ENPEP: variants seen among roughly 807,000 people sequenced by gnomAD.
ENPEP encodes AP-A.
Under a neutral mutation model 114.5 loss-of-function variants are expected in ENPEP, and 103 were observed. The ratio of observed to expected loss-of-function variants is 0.90; its 90% CI spans 0.77 to 1.06. The LOEUF (loss-of-function observed/expected upper bound fraction) is 1.06, where lower values mean the gene tolerates loss of function less well. Ranked by LOEUF, ENPEP falls within the 50% of genes least tolerant of loss-of-function variation. The probability of loss-of-function intolerance (pLI) is 0.00; values close to 1 mark genes in which losing one functional copy is unlikely to be tolerated. For missense variants in ENPEP, 1,196 were observed against 1,161.3 expected, an observed-to-expected ratio of 1.03 and a Z score of -0.43; for synonymous variants, 420 against 422.0, an observed-to-expected ratio of 1.00 and a Z score of 0.06.
chr4:110,476,919 G>T lies in ENPEP; in HGVS notation c.505G>T (p.Val169Leu), dbSNP rs201187378. The T allele has an allele frequency of 5.0e-5, 80 of 1,614,190 alleles. No individual in the cohort carries two copies. In the South Asian group the frequency reaches 6.4e-4, roughly 13 times the overall value. Residue 169 changes from valine to leucine, a missense_variant, in exon 1 of 20, where the codon GTG becomes TTG. Physicochemically the swap from Val to Leu is conservative, Grantham distance 32. Coordinates refer to ENST00000265162, the MANE Select transcript of ENPEP (RefSeq NM_001977.4). Reference protein sequence around the residue: ...RCFEYKKQEYVVVEAEEELTP... With the variant: ...RCFEYKKQEYLVVEAEEELTP... ...TTTCGAGTACAAAAAGCAGGAGTAC[G>T]TGGTGGTCGAGGCGGAGGAAGAGCT...
At position 110,564,368 on chromosome 4, in the gene ENPEP, C is replaced by A. The variant is rs1479977401; in HGVS notation, c.*2810C>A. Reference sequence around the variant, plus strand: ...ATCAGAGTGACCTGGGTTGGAATATCAACTACTTGGTAGTTGAGTGCTTTT... The same window carrying A: ...ATCAGAGTGACCTGGGTTGGAATATAAACTACTTGGTAGTTGAGTGCTTTT... On this transcript the variant is annotated 3_prime_UTR_variant, in exon 20 of 20. Coordinates refer to ENST00000265162, the MANE Select transcript of ENPEP (RefSeq NM_001977.4). 6.6e-6 allele frequency: 1 copy of A among 152,108 alleles called. No individual in the cohort carries two copies. Among genetic ancestry groups the A allele is most frequent in the Non-Finnish European group, 1.5e-5 (1 of 68,020 alleles). The allele number at this position is 152,108 out of a possible 1,614,324, so 9.4% of individuals were successfully genotyped here.
chr4:110,549,548 T>A lies in ENPEP; in HGVS notation c.2246T>A (p.Leu749Ter), dbSNP rs770608736. The stretch of plus-strand genomic sequence containing the variant: ...TTAAGGTTACTCCGTTCCTCCGTGT[T>A]AGGGTTTGCGTGCAAGATGGGAGAC... Reference protein sequence around the residue: ...HVTKLLRSSVLGFACKMGDRE... With the variant: ...HVTKLLRSSV Residue 749 changes from leucine to a stop codon, truncating the protein, a stop_gained, in exon 16 of 20, where the codon TTA becomes TAA. Transcript: ENST00000265162. LOFTEE classifies it high-confidence loss of function. 4 of 1,613,460 alleles carry A rather than the reference T, an allele frequency of 2.5e-6. No homozygotes were observed. The highest frequency in any genetic ancestry group is 3.4e-6 in the Non-Finnish European group (4 of 1,179,656).
At chr4:110,486,720 C>G (rs6818509) in intron 1 of ENPEP, among the ~76,000 whole-genome samples, 62 of 152,262 alleles carry the variant, frequency 4.1e-4, no homozygotes, top group Middle Eastern at 6.8e-3. Context: ...TGTAAGCAGT[C>G]TGGAATCTTA....
chr4:110,497,717 G>A (rs1471646894), intron 3 of ENPEP, among the ~76,000 whole-genome samples: 1 of 152,084 alleles, frequency 6.6e-6, no homozygotes, highest in African/African-American at 2.4e-5. Flanking sequence ...AAAAAAAGGT[G>A]TTTTTTCACC....
chr4:110,531,084 A>T, intron 10 of ENPEP, 114 bp from the exon 11 acceptor site: 1 of 571,654 alleles, frequency 1.7e-6, no homozygotes, highest in Non-Finnish European at 2.7e-6. Flanking sequence ...AGTATGGACT[A>T]GATAATCATT....
intron 18 of ENPEP, among the ~76,000 whole-genome samples, chr4:110,558,296 A>AT (rs1243439457): frequency 7.9e-5 from 11 of 139,586 alleles, no homozygotes; most frequent in Non-Finnish European, 1.7e-4. Flanking sequence ...ATATATATAA[A>AT]TTTTTTTTTG....
At chr4:110,551,313 C>T (rs916782028) in intron 17 of ENPEP, among the ~76,000 whole-genome samples, 2 of 152,104 alleles carry the variant, frequency 1.3e-5, no homozygotes, top group African/African-American at 2.4e-5. Context: ...CATATCACAA[C>T]ATTCCCTCCA....
chr4:110,549,099 G>T (rs1470848384), intron 14 of ENPEP, among the ~76,000 whole-genome samples: 1 of 151,952 alleles, frequency 6.6e-6, no homozygotes, highest in Non-Finnish European at 1.5e-5. Flanking sequence ...TAAGAAATAG[G>T]GGTTAAAAGG....
Position 110,549,410 on chromosome 4 carries a change from A to C in ENPEP, c.2216A>C (p.His739Pro). The C allele has an allele frequency of 1.9e-6, 3 of 1,613,264 alleles. No homozygotes were observed. The highest frequency in any genetic ancestry group is 2.5e-6 in the Non-Finnish European group (3 of 1,179,450). Reference protein sequence around the residue: ...DSLGWNDAGDHVTKLLRSSVL... With the variant: ...DSLGWNDAGDPVTKLLRSSVL... Reference sequence around the variant, plus strand: ...CTGGGATGGAATGATGCTGGAGACCATGTCACAAAGTTATTCTCACTTTTT... The same window carrying C: ...CTGGGATGGAATGATGCTGGAGACCCTGTCACAAAGTTATTCTCACTTTTT... Residue 739 changes from histidine to proline, a missense_variant, in exon 15 of 20, where the codon CAT (histidine) becomes CCT (proline). Physicochemically the swap from His to Pro is moderately conservative, Grantham distance 77. Transcript: ENST00000265162.
chr4:110,504,382 G>A (rs1410914808), intron 3 of ENPEP, among the ~76,000 whole-genome samples: 1 of 152,242 alleles, frequency 6.6e-6, no homozygotes, highest in East Asian at 1.9e-4. Flanking sequence ...TAGTCCAAGG[G>A]CAGCAAGGGC....
chr4:110,556,733 C>G (rs998698161), intron 18 of ENPEP, among the ~76,000 whole-genome samples: 8 of 152,098 alleles, frequency 5.3e-5, no homozygotes, highest in African/African-American at 1.4e-4. Context: ...TTGCTAGTAA[C>G]TGCCTATGTT....
chr4:110,503,916 C>T (rs1019926301), intron 3 of ENPEP, among the ~76,000 whole-genome samples: 2 of 152,214 alleles, frequency 1.3e-5, no homozygotes, highest in South Asian at 2.1e-4. Context: ...TAGTTAGGCT[C>T]TTGCTCAGCC....
At chr4:110,528,071 G>C (rs1726264876) in intron 10 of ENPEP, among the ~76,000 whole-genome samples, 1 of 152,028 alleles carries the variant, frequency 6.6e-6, no homozygotes, top group South Asian at 2.1e-4. Flanking sequence ...ACATAGAACT[G>C]TATTCACATT....
chr4:110,495,768 T>A (rs375038354), intron 3 of ENPEP, among the ~76,000 whole-genome samples: 10 of 152,030 alleles, frequency 6.6e-5, no homozygotes, highest in African/African-American at 2.4e-4. Context: ...ATGGCACGAG[T>A]GATTTCGTTC....
intron 8 of ENPEP, among the ~76,000 whole-genome samples, chr4:110,517,436 G>T (rs1379412002): frequency 4.6e-5 from 7 of 152,150 alleles, no homozygotes; most frequent in Non-Finnish European, 1.0e-4. Flanking sequence ...AATTCAGTTT[G>T]TATAGTTTTG....
chr4:110,529,406 C>T (rs1252197064), intron 10 of ENPEP, among the ~76,000 whole-genome samples: 1 of 152,136 alleles, frequency 6.6e-6, no homozygotes, highest in Non-Finnish European at 1.5e-5. Flanking sequence ...CCGAAATGAT[C>T]ATGTGTGTGA....
At chr4:110,516,698 T>G (rs1229677735) in intron 8 of ENPEP, among the ~76,000 whole-genome samples, 1 of 152,190 alleles carries the variant, frequency 6.6e-6, no homozygotes, top group Non-Finnish European at 1.5e-5. Context: ...AACGGCCCCC[T>G]TCTACCCAAT....
At chr4:110,500,796 CA>C (rs1725125680) in intron 3 of ENPEP, among the ~76,000 whole-genome samples, 1 of 152,004 alleles carries the variant, frequency 6.6e-6, no homozygotes, top group African/African-American at 2.4e-5. Context: ...GATGACGAGT[CA>C]GGGGTAATTG....
intron 11 of ENPEP, chr4:110,533,384 C>G (rs1475860430): frequency 2.3e-5 from 3 of 133,242 alleles, no homozygotes; most frequent in Non-Finnish European, 4.7e-5. Flanking sequence ...TGCTTATGTG[C>G]AAAACACAGA....
Sources: allele counts gnomAD v4.1 joint callset (sites outside exome capture counted in the v4.1 genomes callset), GRCh38; gene constraint gnomAD v4.1.1; transcripts MANE v1.5; gene names NCBI Gene and HGNC (gene_info 2026-07-23, HGNC 2026-07-21).